DCAF1: variants seen among roughly 807,000 people sequenced by gnomAD.
DCAF1 encodes the protein DDB1- and CUL4-associated factor 1.
DCAF1 carries 15 observed loss-of-function variants against 128.0 expected under a neutral mutation model. That is an observed-to-expected ratio of 0.12 (90% CI 0.08 to 0.18). The LOEUF (loss-of-function observed/expected upper bound fraction) is 0.18, where lower values mean the gene tolerates loss of function less well. Ranked by LOEUF, DCAF1 falls within the 10% of genes least tolerant of loss-of-function variation. The pLI is 1.00. For synonymous variants in DCAF1, 610 were observed against 603.0 expected, an observed-to-expected ratio of 1.01 and a Z score of -0.17; for missense variants, 988 against 1,649.5, an observed-to-expected ratio of 0.60 and a Z score of 6.95.
chr3:51,460,176 A>G (rs1181805108), intron 6 of DCAF1, among the ~76,000 whole-genome samples: 1 of 152,180 alleles, frequency 6.6e-6, no homozygotes, highest in Admixed American at 6.6e-5. Flanking sequence ...TCAGCCCAAA[A>G]TCTCCTCAAG....
intron 3 of DCAF1, among the ~76,000 whole-genome samples, chr3:51,476,260 G>A (rs193097087): frequency 4.6e-5 from 7 of 151,022 alleles, no homozygotes; most frequent in East Asian, 3.9e-4. Context: ...GCATGGTGGC[G>A]GGCGCCTATA....
chr3:51,441,589 G>T lies in DCAF1; in HGVS notation c.822C>A (p.Asp274Glu), dbSNP rs1577155341. ...GCTTGGCTTTCCTAAAGTTCTCTCT[G>T]TCACCCTGTTTTGCTGACTTGTTTT... ...LKKNKSAKQG[D>E]RENFRKAKQK... Residue 274 changes from aspartate (D) to glutamate (E), a missense_variant, in exon 8 of 25, where the codon GAC becomes GAA. Asp to Glu is a conservative substitution (Grantham distance 45, BLOSUM62 2). Around this residue, in one of 11 missense-constraint regions of DCAF1, gnomAD observed 210 missense variants for 260.2 expected, o/e 0.81. Coordinates refer to ENST00000684031, the MANE Select transcript of DCAF1 (RefSeq NM_001387579.1). The T allele has an allele frequency of 6.2e-7, 1 of 1,613,986 alleles. No individual in the cohort carries two copies. Among genetic ancestry groups the T allele is most frequent in the East Asian group, 2.2e-5 (1 of 44,890 alleles).
At chr3:51,440,081 C>T (rs1469367790) in intron 9 of DCAF1, 9 of 450,516 alleles carry the variant, frequency 2.0e-5, no homozygotes, top group Non-Finnish European at 3.9e-5. Flanking sequence ...ATAGTTTTTC[C>T]TCTCCTATTC....
At chr3:51,406,353 A>AC (rs1405898752) in intron 23 of DCAF1, among the ~76,000 whole-genome samples, 1 of 151,234 alleles carries the variant, frequency 6.6e-6, no homozygotes, top group Non-Finnish European at 1.5e-5. Context: ...AAAAAAAAAA[A>AC]AAAAAAAAAA....
At position 51,487,848 on chromosome 3, in the gene DCAF1, CTATTTATTTATT is replaced by C. The variant is rs111392432; in HGVS notation, c.-8-4024_-8-4013del. 1.1e-4 allele frequency among the ~76,000 whole-genome samples: 17 copies of C among 150,054 alleles called. 3 individuals are homozygous for C. Among genetic ancestry groups the C allele is most frequent in the South Asian group, 2.1e-4 (1 of 4,756 alleles). ...AAACCACCACGCCCAGCCTACCAAA[CTATTTATTTATT>C]TATTTATTTATTTATTTATTTGGAG... On this transcript the variant is annotated intron_variant, in intron 2 of 24. Transcript: ENST00000684031.
chr3:51,444,922 C>A (rs4687804), intron 6 of DCAF1, among the ~76,000 whole-genome samples: 11,228 of 148,482 alleles, frequency 0.076, 961 homozygotes, highest in East Asian at 0.34. Context: ...TGATCCGCCC[C>A]CCTTGGCCTC....
At chr3:51,438,363 C>T (rs1174849398) in intron 9 of DCAF1, among the ~76,000 whole-genome samples, 7 of 152,054 alleles carry the variant, frequency 4.6e-5, no homozygotes, top group Non-Finnish European at 7.4e-5. Flanking sequence ...TTCACTGTAA[C>T]GTCCTTTGTA....
At chr3:51,468,898 A>G (rs1266512184) in intron 4 of DCAF1, among the ~76,000 whole-genome samples, 1 of 152,188 alleles carries the variant, frequency 6.6e-6, no homozygotes, top group Non-Finnish European at 1.5e-5. Flanking sequence ...ATGATTATCT[A>G]TCTTTTAATG....
chr3:51,483,605 TAGTTTG>T, intron 3 of DCAF1, 108 bp downstream of exon 3: 1 of 569,906 alleles, frequency 1.8e-6, no homozygotes, highest in Non-Finnish European at 2.9e-6. Flanking sequence ...CTTTTTAAAC[TAGTTTG>T]TGTGTGTGTG....
chr3:51,452,328 G>C (rs1702438448), intron 6 of DCAF1, among the ~76,000 whole-genome samples: 1 of 152,006 alleles, frequency 6.6e-6, no homozygotes, highest in Non-Finnish European at 1.5e-5. Context: ...AATGATTTCT[G>C]ACTCATTAAT....
At chr3:51,489,843 ATAG>A (rs1707424331) in intron 2 of DCAF1, among the ~76,000 whole-genome samples, 1 of 149,806 alleles carries the variant, frequency 6.7e-6, no homozygotes, top group Admixed American at 6.7e-5. Flanking sequence ...ATATAGATAG[ATAG>A]ATAGATAGAT....
rs112207877 is a variant in DCAF1 at position 51,407,179 on chromosome 3, A to C, written c.4213-3784T>G. Among the ~76,000 whole-genome samples the C allele has an allele frequency of 1.1e-3, 132 of 119,768 alleles. 1 individual carries two copies. Among genetic ancestry groups the C allele is most frequent in the Non-Finnish European group, 2.0e-3 (123 of 61,190 alleles). The allele number at this position is 119,768 out of a possible 152,430, so 78.6% of individuals were successfully genotyped here. A position where few individuals can be genotyped will look rare whatever the true frequency, so the allele number is the denominator to read the frequency against. On this transcript the variant is annotated intron_variant, in intron 23 of 24. Transcript: ENST00000684031. The stretch of plus-strand genomic sequence containing the variant: ...ATCTCAAAAAAAAAAAAAAAAAAAA[A>C]CAACAACAAAACCGTCATTCAAATC...
chr3:51,451,411 G>A (rs1005666558), intron 6 of DCAF1, among the ~76,000 whole-genome samples: 5 of 151,946 alleles, frequency 3.3e-5, no homozygotes, highest in Non-Finnish European at 5.9e-5. Context: ...GAGCTCAGGA[G>A]TTCAAGACCA....
intron 2 of DCAF1, among the ~76,000 whole-genome samples, chr3:51,492,531 G>A (rs916277139): frequency 2.6e-5 from 4 of 151,908 alleles, no homozygotes; most frequent in African/African-American, 9.7e-5. Flanking sequence ...ACAAAAAAAA[G>A]GCCAAGAAAC....
chr3:51,469,605 T>G (rs1226360597), intron 4 of DCAF1, among the ~76,000 whole-genome samples: 1 of 152,136 alleles, frequency 6.6e-6, no homozygotes, highest in East Asian at 1.9e-4. Context: ...CATGCATGAC[T>G]TCAGCTTTGC....
intron 3 of DCAF1, among the ~76,000 whole-genome samples, chr3:51,476,873 C>CAA (rs1333937242): frequency 6.6e-6 from 1 of 150,946 alleles, no homozygotes; most frequent in Non-Finnish European, 1.5e-5. Flanking sequence ...GACTCCGTCT[C>CAA]AAAAAAAAGA....
intron 12 of DCAF1, among the ~76,000 whole-genome samples, chr3:51,428,328 G>GC (rs1313844195): frequency 2.8e-5 from 3 of 108,258 alleles, no homozygotes; most frequent in South Asian, 3.4e-4. Flanking sequence ...GTACCACCAT[G>GC]CCCTTTTTTT....
At chr3:51,503,239 A>C (rs547583886), upstream of DCAF1, among the ~76,000 whole-genome samples, 1 of 152,300 alleles carries the variant, frequency 6.6e-6, no homozygotes, top group South Asian at 2.1e-4. Context: ...AGAAAAGGTA[A>C]GAAGAGCCCA....
At chr3:51,425,462 ACT>A (rs1577105097) in intron 13 of DCAF1, among the ~76,000 whole-genome samples, 1 of 151,180 alleles carries the variant, frequency 6.6e-6, no homozygotes, top group African/African-American at 2.4e-5. Flanking sequence ...ACAGAGCAAG[ACT>A]CTGTCTCCAA....
Sources: gnomAD v4.1 joint callset for allele counts (sites outside exome capture counted in the v4.1 genomes callset) on GRCh38, gnomAD v4.1.1 for gene constraint, gnomAD v4.1.1 regional missense constraint, MANE v1.5 for transcripts, NCBI Gene and HGNC (gene_info 2026-07-23, HGNC 2026-07-21) for gene names.